The following SH2D4A variants were observed in gnomAD, a reference collection of about 807,000 sequenced individuals.
The protein encoded by SH2D4A is SH2 domain-containing protein 4A.
SH2D4A carries 70 observed loss-of-function variants against 64.7 expected under a neutral mutation model. That is an observed-to-expected ratio of 1.08 (90% CI 0.89 to 1.32). The LOEUF (loss-of-function observed/expected upper bound fraction) is 1.32, where lower values mean the gene tolerates loss of function less well. Ranked by LOEUF, SH2D4A falls within the 40% of genes most tolerant of loss-of-function variation. SH2D4A has a pLI of 0.00. For synonymous variants in SH2D4A, 268 were observed against 200.7 expected, an observed-to-expected ratio of 1.34 and a Z score of -2.83; for missense variants, 706 against 540.1, an observed-to-expected ratio of 1.31 and a Z score of -3.04.
intron 2 of SH2D4A, 96 bp from the exon 3 acceptor site, chr8:19,332,859 T>TA: frequency 6.0e-6 from 7 of 1,165,748 alleles, no homozygotes; most frequent in Non-Finnish European, 8.4e-6. Context: ...ATATATATAT[T>TA]TTCAAAGACC....
chr8:19,387,651 A>C (rs1012656883), intron 8 of SH2D4A, among the ~76,000 whole-genome samples: 1 of 152,216 alleles, frequency 6.6e-6, no homozygotes, highest in African/African-American at 2.4e-5. Context: ...GAAAGTAAGT[A>C]AGTAAGTAGT....
At chr8:19,394,417 C>T in intron 9 of SH2D4A, 133 bp from the exon 10 acceptor site, 1 of 583,544 alleles carries the variant, frequency 1.7e-6, no homozygotes, top group Non-Finnish European at 2.9e-6. Context: ...AGAAAAATGC[C>T]TTTTAAGATG....
At chr8:19,394,387 T>C (rs2053551226) in intron 9 of SH2D4A, among the ~76,000 whole-genome samples, 163 bp from the exon 10 acceptor site, 1 of 152,024 alleles carries the variant, frequency 6.6e-6, no homozygotes, top group African/African-American at 2.4e-5. Flanking sequence ...GGGAAAGGAG[T>C]ACCTGGTCAC....
At chr8:19,315,098 T>C (rs1331771681) in intron 1 of SH2D4A, among the ~76,000 whole-genome samples, 1 of 152,072 alleles carries the variant, frequency 6.6e-6, no homozygotes, top group Admixed American at 6.6e-5. Flanking sequence ...AGTTACTTTT[T>C]TTTTGGCCAT....
At chr8:19,318,088 T>A (rs2052121078) in intron 1 of SH2D4A, among the ~76,000 whole-genome samples, 1 of 152,040 alleles carries the variant, frequency 6.6e-6, no homozygotes. Context: ...TTTTGTTTTT[T>A]TAGTAGAGAT....
Position 19,364,069 on chromosome 8 carries a change from C to T in SH2D4A, c.707-3C>T. 6.2e-7 allele frequency: 1 copy of T among 1,613,816 alleles called. No individual in the cohort carries two copies. Among genetic ancestry groups the T allele is most frequent in the Non-Finnish European group, 8.5e-7 (1 of 1,179,890 alleles). On this transcript the variant is annotated splice_polypyrimidine_tract_variant and splice_region_variant and intron_variant, in intron 6 of 9. Transcript: ENST00000265807. ...GTTTTCTCCGACCCCGTTGTTTTTCCAGTGCGAAAATCCAAAGCAGCTGAT... is the reference window on the plus strand; with the variant it reads ...GTTTTCTCCGACCCCGTTGTTTTTCTAGTGCGAAAATCCAAAGCAGCTGAT...
intron 8 of SH2D4A, among the ~76,000 whole-genome samples, chr8:19,389,184 C>CAGTT (rs2053441328): frequency 6.6e-6 from 1 of 152,168 alleles, no homozygotes; most frequent in Non-Finnish European, 1.5e-5. Flanking sequence ...CATTGAACTG[C>CAGTT]CCTGTGGGGC....
In SH2D4A at chr8:19,393,434, G is replaced by A; in HGVS notation, c.1165G>A (p.Asp389Asn). 6.2e-7 allele frequency: 1 copy of A among 1,614,232 alleles called. No homozygotes were observed. The highest frequency in any genetic ancestry group is 8.5e-7 in the Non-Finnish European group (1 of 1,180,048). Residue 389 changes from aspartate to asparagine, a missense_variant, in exon 9 of 10, where the codon GAC becomes AAC. Coordinates refer to ENST00000265807, the MANE Select transcript of SH2D4A (RefSeq NM_022071.4). ...CTATGCCCTGTCCTATCTGTCGGAG[G>A]ACGGCTGTAAACATTTCCTCATCGA... The part of the protein sequence containing the change: ...KGYALSYLSE[D>N]GCKHFLIDAS...
intron 8 of SH2D4A, among the ~76,000 whole-genome samples, chr8:19,385,195 C>T (rs1241148696): frequency 6.6e-6 from 1 of 150,450 alleles, no homozygotes; most frequent in Non-Finnish European, 1.5e-5. Flanking sequence ...ATATAGTTCA[C>T]ACTTCAGCTG....
intron 2 of SH2D4A, among the ~76,000 whole-genome samples, chr8:19,322,343 T>A (rs1428620059): frequency 2.6e-5 from 4 of 152,144 alleles, no homozygotes; most frequent in Non-Finnish European, 5.9e-5. Flanking sequence ...TGCCTCCCCT[T>A]CTCCCGCCTT....
At chr8:19,365,179 A>G (rs150799649) in intron 7 of SH2D4A, among the ~76,000 whole-genome samples, 1 of 152,308 alleles carries the variant, frequency 6.6e-6, no homozygotes, top group East Asian at 1.9e-4. Flanking sequence ...GTTATCTTCA[A>G]GGTTGTCTTT....
At chr8:19,379,214 C>T (rs1302149049) in intron 8 of SH2D4A, among the ~76,000 whole-genome samples, 2 of 152,136 alleles carry the variant, frequency 1.3e-5, no homozygotes, top group South Asian at 4.1e-4. Flanking sequence ...TACCATGGTG[C>T]TTTCTCTATG....
In SH2D4A at chr8:19,396,108, C is replaced by T. The variant is rs1373852012; in HGVS notation, c.*1466C>T. On this transcript the variant is annotated 3_prime_UTR_variant, in exon 10 of 10. Coordinates refer to ENST00000265807, the MANE Select transcript of SH2D4A (RefSeq NM_022071.4). ...GACAGGGACTGAGGTGGCTCTGAGC[C>T]ACTGGAGATCATTTTTCTTGGAGGA... 3 of 152,192 alleles carry T rather than the reference C, an allele frequency of 2.0e-5. No homozygotes were observed. Among genetic ancestry groups the T allele is most frequent in the Non-Finnish European group, 2.9e-5 (2 of 68,058 alleles). 9.4% of individuals were successfully genotyped at this position (152,192 alleles called of 1,614,324 possible).
chr8:19,319,025 G>A (rs2052138460), intron 1 of SH2D4A, among the ~76,000 whole-genome samples: 1 of 151,264 alleles, frequency 6.6e-6, no homozygotes, highest in East Asian at 1.9e-4. Context: ...TTGGTGGTTT[G>A]TTAGGCTCTG....
intron 8 of SH2D4A, among the ~76,000 whole-genome samples, chr8:19,376,810 CAGTT>C (rs1453635042): frequency 2.0e-5 from 3 of 152,164 alleles, no homozygotes; most frequent in African/African-American, 4.8e-5. Flanking sequence ...TTCAGATGAG[CAGTT>C]AGTTGTCTCC....
At chr8:19,386,957 T>C (rs2053403778) in intron 8 of SH2D4A, among the ~76,000 whole-genome samples, 1 of 151,934 alleles carries the variant, frequency 6.6e-6, no homozygotes, top group Non-Finnish European at 1.5e-5. Context: ...TACTTTTTGT[T>C]GTTCTTTGTA....
chr8:19,369,620 T>C (rs1305183616), intron 7 of SH2D4A, among the ~76,000 whole-genome samples: 1 of 152,098 alleles, frequency 6.6e-6, no homozygotes, highest in Non-Finnish European at 1.5e-5. Flanking sequence ...TTTGTTGACA[T>C]ACAGTTGTTG....
intron 8 of SH2D4A, among the ~76,000 whole-genome samples, chr8:19,389,312 A>AAT (rs2053444940): frequency 1.2e-4 from 18 of 152,150 alleles, no homozygotes; most frequent in Admixed American, 1.2e-3. Context: ...TTTCCTGGGC[A>AAT]AAATGTTTAT....
chr8:19,338,412 A>G (rs1297506812), intron 4 of SH2D4A, among the ~76,000 whole-genome samples: 1 of 152,262 alleles, frequency 6.6e-6, no homozygotes, highest in African/African-American at 2.4e-5. Flanking sequence ...TACATGGAAC[A>G]GGGGACTCTG....
Sources: allele counts gnomAD v4.1 joint callset (sites outside exome capture counted in the v4.1 genomes callset), GRCh38; gene constraint gnomAD v4.1.1; transcripts MANE v1.5; gene names NCBI Gene and HGNC (gene_info 2026-07-23, HGNC 2026-07-21).